Variants in RPS6KC1 observed in about 807,000 individuals in gnomAD.
The protein encoded by RPS6KC1 is inactive ribosomal protein S6 kinase delta-1.
A neutral mutation model predicts 103.8 loss-of-function variants in RPS6KC1; 54 were observed. The ratio of observed to expected loss-of-function variants is 0.52; its 90% CI spans 0.42 to 0.65. The LOEUF is 0.65. Ranked by LOEUF, RPS6KC1 falls within the 30% of genes least tolerant of loss-of-function variation. The pLI, the probability that RPS6KC1 is intolerant of heterozygous loss-of-function variation, is 0.00. For synonymous variants in RPS6KC1, 439 were observed against 438.7 expected, an observed-to-expected ratio of 1.00 and a Z score of -0.01; for missense variants, 1,151 against 1,253.8, an observed-to-expected ratio of 0.92 and a Z score of 1.24.
In RPS6KC1 at chr1:213,108,653, CT is replaced by C. The variant is rs377331105; in HGVS notation, c.378+4100del. Among the ~76,000 whole-genome samples, 804 of 135,516 alleles carry C rather than the reference CT, an allele frequency of 5.9e-3. 2 individuals are homozygous for C. The highest frequency in any genetic ancestry group is 7.2e-3 in the East Asian group (34 of 4,736). The allele number at this position is 135,516 out of a possible 152,430, so 88.9% of individuals were successfully genotyped here. On this transcript the variant is annotated intron_variant, in intron 4 of 14. Coordinates refer to ENST00000366960, the MANE Select transcript of RPS6KC1 (RefSeq NM_012424.6). ...TTAAAATTATTTTATTATTTTACTT[CT>C]TTTTTTTTTTTTTTTAAAGAATTGG...
the RPS6KC1 span, among the ~76,000 whole-genome samples, chr1:213,362,504 C>T: frequency 1.3e-5 from 2 of 152,176 alleles, no homozygotes; most frequent in Non-Finnish European, 2.9e-5. Context: ...CCCCAGGCCA[C>T]ACAGCCAGAT....
the RPS6KC1 span, among the ~76,000 whole-genome samples, chr1:213,752,209 G>C: frequency 7.9e-5 from 12 of 152,158 alleles, no homozygotes; most frequent in African/African-American, 2.9e-4. Flanking sequence ...ACCATCTTCA[G>C]ATCTCTAAAC....
the RPS6KC1 span, among the ~76,000 whole-genome samples, chr1:213,286,783 G>A: frequency 1.3e-5 from 2 of 152,196 alleles, no homozygotes; most frequent in Non-Finnish European, 2.9e-5. Context: ...AAGACAATCA[G>A]ACAGGAGCCT....
intron 8 of RPS6KC1, among the ~76,000 whole-genome samples, chr1:213,201,915 A>C (rs2093177236): frequency 6.6e-6 from 1 of 152,168 alleles, no homozygotes; most frequent in Non-Finnish European, 1.5e-5. Flanking sequence ...ACAGCTGGCT[A>C]GCTATTCCAG....
chr1:213,414,221 G>C, the RPS6KC1 span, among the ~76,000 whole-genome samples: 1 of 152,114 alleles, frequency 6.6e-6, no homozygotes, highest in South Asian at 2.1e-4. Context: ...TTCTTGTTAT[G>C]ATGGCACCAA....
the RPS6KC1 span, among the ~76,000 whole-genome samples, chr1:213,755,338 C>T: frequency 6.6e-6 from 1 of 152,216 alleles, no homozygotes; most frequent in Admixed American, 6.5e-5. Context: ...CCTAAGTACT[C>T]TTGTCTCACG....
chr1:213,539,880 C>A, the RPS6KC1 span, among the ~76,000 whole-genome samples: 5 of 151,968 alleles, frequency 3.3e-5, no homozygotes, highest in African/African-American at 9.7e-5. Context: ...TTCCCTAGTA[C>A]GTATAAAAGT....
chr1:213,393,233 G>A, the RPS6KC1 span, among the ~76,000 whole-genome samples: 1 of 152,106 alleles, frequency 6.6e-6, no homozygotes, highest in African/African-American at 2.4e-5. Flanking sequence ...GGGTCTCATG[G>A]GAGAGACACA....
chr1:213,648,430 T>C, the RPS6KC1 span, among the ~76,000 whole-genome samples: 1 of 152,152 alleles, frequency 6.6e-6, no homozygotes, highest in Non-Finnish European at 1.5e-5. Flanking sequence ...GGCCTCCTAA[T>C]GAGTAATATA....
chr1:213,271,314 A>G (rs975334628), intron 14 of RPS6KC1, among the ~76,000 whole-genome samples: 2 of 152,206 alleles, frequency 1.3e-5, no homozygotes, highest in South Asian at 2.1e-4. Context: ...GAAAGAAGGC[A>G]GCGTCAAAAG....
At chr1:213,484,352 G>A in the RPS6KC1 span, among the ~76,000 whole-genome samples, 1 of 152,176 alleles carries the variant, frequency 6.6e-6, no homozygotes, top group Middle Eastern at 3.2e-3. Context: ...CTTTAATGGG[G>A]AAGGATCTTC....
At chr1:213,627,428 T>G in the RPS6KC1 span, among the ~76,000 whole-genome samples, 12 of 152,218 alleles carry the variant, frequency 7.9e-5, no homozygotes, top group East Asian at 2.1e-3. Context: ...TTCTCCTGCC[T>G]GATTGCCCTG....
At chr1:213,594,580 T>C in the RPS6KC1 span, among the ~76,000 whole-genome samples, 1 of 152,206 alleles carries the variant, frequency 6.6e-6, no homozygotes, top group East Asian at 1.9e-4. Flanking sequence ...GTAGTGATTA[T>C]TTGTACCACC....
At chr1:213,725,490 C>T in the RPS6KC1 span, among the ~76,000 whole-genome samples, 2 of 152,246 alleles carry the variant, frequency 1.3e-5, no homozygotes, top group East Asian at 1.9e-4. Flanking sequence ...ATTCCGGGCT[C>T]TCTTCGGGGA....
At chr1:213,683,669 C>T in the RPS6KC1 span, among the ~76,000 whole-genome samples, 1 of 152,162 alleles carries the variant, frequency 6.6e-6, no homozygotes, top group East Asian at 1.9e-4. Flanking sequence ...CCTAACTGTC[C>T]GAGTTCCACC....
the RPS6KC1 span, among the ~76,000 whole-genome samples, chr1:213,721,396 G>T: frequency 6.6e-6 from 1 of 152,178 alleles, no homozygotes; most frequent in South Asian, 2.1e-4. Context: ...TCGTGGTAGT[G>T]AATAAATCTC....
At chr1:213,479,779 A>T in the RPS6KC1 span, among the ~76,000 whole-genome samples, 2 of 151,874 alleles carry the variant, frequency 1.3e-5, no homozygotes, top group African/African-American at 4.8e-5. Flanking sequence ...TTACATTTAG[A>T]TATTTAATTA....
chr1:213,801,444 A>G, the RPS6KC1 span, among the ~76,000 whole-genome samples: 2 of 152,208 alleles, frequency 1.3e-5, no homozygotes, highest in Non-Finnish European at 2.9e-5. Flanking sequence ...GTATAATAAT[A>G]TATATGTTGT....
the RPS6KC1 span, among the ~76,000 whole-genome samples, chr1:213,399,432 G>T: frequency 6.6e-6 from 1 of 152,172 alleles, no homozygotes; most frequent in Non-Finnish European, 1.5e-5. Context: ...AGCCTTGGCT[G>T]TTGTGCCTTG....
Sources: gnomAD v4.1 joint callset for allele counts (sites outside exome capture counted in the v4.1 genomes callset) on GRCh38, gnomAD v4.1.1 for gene constraint, MANE v1.5 for transcripts, NCBI Gene and HGNC (gene_info 2026-07-23, HGNC 2026-07-21) for gene names.